COPS5: variants seen among roughly 807,000 people sequenced by gnomAD.
COPS5 encodes the protein COP9 signalosome complex subunit 5.
Under a neutral mutation model 44.4 loss-of-function variants are expected in COPS5, and 8 were observed. The ratio of observed to expected loss-of-function variants is 0.18; its 90% CI spans 0.11 to 0.32. The LOEUF is 0.32. COPS5 is among the 10% of genes least tolerant of loss of function. COPS5 has a pLI of 1.00. For missense variants in COPS5, 159 were observed against 406.4 expected (o/e 0.39, Z 5.23); for synonymous variants, 122 against 142.8 (o/e 0.85, Z 1.04).
At chr8:67,057,717 G>T (rs1804533523) in intron 3 of COPS5, among the ~76,000 whole-genome samples, 1 of 152,144 alleles carries the variant, frequency 6.6e-6, no homozygotes, top group South Asian at 2.1e-4. Context: ...CCTTTTAAGA[G>T]GTGAATAACT....
chr8:67,060,623 C>T, intron 1 of COPS5: 2 of 565,398 alleles, frequency 3.5e-6, no homozygotes, highest in Non-Finnish European at 5.7e-6. Flanking sequence ...CATTATCTCA[C>T]CTAATCTCTA....
chr8:67,058,719 C>A (rs912883565), intron 2 of COPS5, among the ~76,000 whole-genome samples: 1 of 151,760 alleles, frequency 6.6e-6, no homozygotes, highest in Admixed American at 6.6e-5. Context: ...AAATCCATGC[C>A]ATAGACCGGG....
chr8:67,052,419 A>ATG lies in COPS5; in HGVS notation c.660-1079_660-1078insCA, dbSNP rs1554545118. Among the ~76,000 whole-genome samples, 566 of 141,254 alleles carry ATG rather than the reference A, an allele frequency of 4.0e-3. 3 individuals carry two copies. The highest frequency in any genetic ancestry group is 0.014 in the African/African-American group (538 of 38,764). 92.7% of individuals were successfully genotyped at this position (141,254 alleles called of 152,430 possible). On this transcript the variant is annotated intron_variant, in intron 5 of 7. Transcript: ENST00000357849. Reference sequence around the variant, plus strand: ...AAGGATGTTACACAAAAGGTTAAGAATTTTTTTTTTTTTTTTGAGACAGAG... The same window carrying ATG: ...AAGGATGTTACACAAAAGGTTAAGAATGTTTTTTTTTTTTTTTTGAGACAGAG...
At chr8:67,054,063 A>G (rs2129537896) in intron 5 of COPS5, among the ~76,000 whole-genome samples, 1 of 151,938 alleles carries the variant, frequency 6.6e-6, no homozygotes, top group Non-Finnish European at 1.5e-5. Flanking sequence ...TCTAGTCTTT[A>G]GCAATGTAGG....
In COPS5 at chr8:67,057,422, G is replaced by A. The variant is rs375417871; in HGVS notation, c.531C>T (p.Ser177=). Residue 177 remains serine, a synonymous_variant, in exon 4 of 8, where the codon TCC becomes TCT. Coordinates refer to ENST00000357849, the MANE Select transcript of COPS5 (RefSeq NM_006837.3). The part of the protein sequence containing the change: ...AVVIDPTRTI[S]AGKVNLGAFR... The stretch of plus-strand genomic sequence containing the variant: ...AGGCGCCAAGATTCACTTTCCCTGC[G>A]GATATTGTTCTTGTTGGATCAATCT... 2.0e-5 allele frequency: 33 copies of A among 1,610,768 alleles called. No individual in the cohort carries two copies. The highest frequency in any genetic ancestry group is 2.7e-5 in the African/African-American group (2 of 74,592).
At chr8:67,050,389 A>G (rs1008118556) in intron 6 of COPS5, among the ~76,000 whole-genome samples, 33 of 152,066 alleles carry the variant, frequency 2.2e-4, no homozygotes, top group Non-Finnish European at 3.8e-4. Context: ...TTAGTCCTTG[A>G]GCTCCTGAAG....
At chr8:67,058,004 C>T in intron 3 of COPS5, 79 bp downstream of exon 3, 2 of 1,464,464 alleles carry the variant, frequency 1.4e-6, no homozygotes, top group South Asian at 1.2e-5. Flanking sequence ...CTCTTTACTA[C>T]ACTATTCTTA....
intron 4 of COPS5, 52 bp from the exon 5 acceptor site, chr8:67,056,656 T>A (rs60703290): frequency 0.46 from 3,775 of 8,152 alleles, 652 homozygotes; most frequent in African/African-American, 0.6. Context: ...AAAAAAAATA[T>A]ATATATATAT....
intron 6 of COPS5, 40 bp downstream of exon 6, chr8:67,051,190 G>C (rs1804408311): frequency 8.0e-7 from 1 of 1,253,170 alleles, no homozygotes; most frequent in Admixed American, 1.7e-5. Flanking sequence ...ATGAAGCTTA[G>C]ATAAAATTCA....
intron 6 of COPS5, among the ~76,000 whole-genome samples, chr8:67,050,614 A>AGAGT (rs1554544973): frequency 2.1e-5 from 3 of 141,150 alleles, no homozygotes; most frequent in Non-Finnish European, 4.7e-5. Context: ...TGAGTGTGAG[A>AGAGT]GTGTGTGTGT....
intron 6 of COPS5, among the ~76,000 whole-genome samples, chr8:67,046,824 CA>C (rs771868140): frequency 3.7e-3 from 164 of 43,744 alleles, no homozygotes; most frequent in African/African-American, 0.012. Flanking sequence ...ACTCTGTCTC[CA>C]AAAAAAAAAA....
rs1016537673 is a variant in COPS5, at chr8:67,043,085, T to C, written c.*148A>G. ...CAAAAAAATCAAAGGACAATTTCAT[T>C]TTAAAGAGCTTTATTACAGGATATT... On this transcript the variant is annotated 3_prime_UTR_variant, in exon 8 of 8. Coordinates refer to ENST00000357849, the MANE Select transcript of COPS5 (RefSeq NM_006837.3). The C allele has an allele frequency of 1.0e-4, 48 of 472,378 alleles. No homozygotes were observed. Among genetic ancestry groups the C allele is most frequent in the Admixed American group, 1.7e-4 (4 of 23,350 alleles). The allele number at this position is 472,378 out of a possible 1,614,324, so 29.3% of individuals were successfully genotyped here.
intron 1 of COPS5, chr8:67,060,533 G>A: frequency 1.6e-6 from 2 of 1,287,758 alleles, no homozygotes; most frequent in Non-Finnish European, 2.0e-6. Context: ...CGAAATCTTG[G>A]CTTCTCCCTT....
chr8:67,051,716 T>C (rs534488305), intron 5 of COPS5, among the ~76,000 whole-genome samples: 3 of 152,192 alleles, frequency 2.0e-5, no homozygotes, highest in African/African-American at 7.2e-5. Context: ...TTAGCCTCTT[T>C]AAAATAATAA....
intron 5 of COPS5, among the ~76,000 whole-genome samples, chr8:67,051,544 T>C (rs572333374): frequency 9.6e-4 from 147 of 152,336 alleles, no homozygotes; most frequent in African/African-American, 3.2e-3. Flanking sequence ...ACTTCTTGTT[T>C]TATTCCTTTT....
Position 67,059,318 on chromosome 8 carries a change from T to A in COPS5, c.271A>T (p.Ile91Phe). ...GGCAAAGCAAAACTGTCCATAATGA[T>A]CATGGTTTCACCATCCACCTTTCCT... is the stretch of plus-strand genomic sequence containing the variant. ...MLGKVDGETM[I>F]IMDSFALPVE... The change falls in exon 2 of 8, where the codon ATC becomes TTC. Residue 91 changes from isoleucine to phenylalanine, a missense_variant. By Grantham distance (21) the Ile-to-Phe change is conservative (BLOSUM62 0). Transcript: ENST00000357849. 1 of 1,614,214 alleles carries A rather than the reference T, an allele frequency of 6.2e-7. No individual in the cohort carries two copies. The highest frequency in any genetic ancestry group is 8.5e-7 in the Non-Finnish European group (1 of 1,180,040).
chr8:67,052,511 G>T (rs944643616), intron 5 of COPS5, among the ~76,000 whole-genome samples: 2 of 149,290 alleles, frequency 1.3e-5, no homozygotes, highest in African/African-American at 4.9e-5. Context: ...TCTGCTTCCC[G>T]GGTTCAAGCG....
chr8:67,053,891 A>T (rs1048484121), intron 5 of COPS5, among the ~76,000 whole-genome samples: 6 of 150,188 alleles, frequency 4.0e-5, no homozygotes, highest in Non-Finnish European at 7.4e-5. Context: ...CTGTAGTTCC[A>T]GCTACTCGGG....
At chr8:67,057,036 T>G (rs1804524286) in intron 4 of COPS5, among the ~76,000 whole-genome samples, 1 of 152,184 alleles carries the variant, frequency 6.6e-6, no homozygotes, top group African/African-American at 2.4e-5. Flanking sequence ...AAAGACTGCT[T>G]TTCCAGTAAA....
Sources: gnomAD v4.1 joint callset for allele counts (sites outside exome capture counted in the v4.1 genomes callset) on GRCh38, gnomAD v4.1.1 for gene constraint, MANE v1.5 for transcripts, NCBI Gene and HGNC (gene_info 2026-07-23, HGNC 2026-07-21) for gene names.